The following TRPM3 variants were observed in gnomAD, a reference collection of about 807,000 sequenced individuals.
TRPM3 encodes transient receptor potential cation channel subfamily M member 3, also known as long transient receptor potential channel 3.
A neutral mutation model predicts 181.2 loss-of-function variants in TRPM3; 77 were observed. That is an observed-to-expected ratio of 0.42 (90% CI 0.35 to 0.51). TRPM3 has a LOEUF of 0.51. Ranked by LOEUF, TRPM3 falls within the 20% of genes least tolerant of loss-of-function variation. The pLI is 0.01. For missense variants in TRPM3, 1,759 were observed against 2,196.7 expected (o/e 0.80, Z 3.98); for synonymous variants, 745 against 796.4 (o/e 0.94, Z 1.09).
At chr9:70,851,291 T>A (rs2095220348) in intron 3 of TRPM3, among the ~76,000 whole-genome samples, 2 of 152,228 alleles carry the variant, frequency 1.3e-5, no homozygotes, top group Non-Finnish European at 2.9e-5. Context: ...TGGGAATAGA[T>A]ATGCATACAT....
chr9:70,947,346 GT>G (rs1461519522), intron 1 of TRPM3, among the ~76,000 whole-genome samples: 2 of 152,114 alleles, frequency 1.3e-5, no homozygotes, highest in Non-Finnish European at 2.9e-5. Context: ...TAAAACTTAG[GT>G]TTTTCTAGGT....
intron 1 of TRPM3, among the ~76,000 whole-genome samples, chr9:71,066,543 G>A (rs936789041): frequency 6.6e-6 from 1 of 151,934 alleles, no homozygotes; most frequent in Non-Finnish European, 1.5e-5. Context: ...TCGTTAAGTT[G>A]TTTTAATACT....
chr9:70,553,918 A>G (rs769376334), intron 22 of TRPM3, among the ~76,000 whole-genome samples: 4 of 152,056 alleles, frequency 2.6e-5, no homozygotes, highest in Non-Finnish European at 5.9e-5. Flanking sequence ...GATGGATGGG[A>G]TTTCATTAGG....
At chr9:70,576,015 A>G (rs1328204811) in intron 22 of TRPM3, among the ~76,000 whole-genome samples, 1 of 152,016 alleles carries the variant, frequency 6.6e-6, no homozygotes, top group East Asian at 1.9e-4. Context: ...CCAACTTGTA[A>G]TTTTCTGACC....
At chr9:71,432,235 C>T (rs1301482531) in intron 1 of TRPM3, among the ~76,000 whole-genome samples, 3 of 151,886 alleles carry the variant, frequency 2.0e-5, no homozygotes, top group Admixed American at 6.6e-5. Flanking sequence ...ACCCAAAGGC[C>T]TCCAGTTATA....
chr9:70,568,310 A>C (rs972350235), intron 22 of TRPM3, among the ~76,000 whole-genome samples: 1 of 152,204 alleles, frequency 6.6e-6, no homozygotes, highest in East Asian at 1.9e-4. Flanking sequence ...ATTATCTAGA[A>C]ACAAATCTGG....
intron 1 of TRPM3, among the ~76,000 whole-genome samples, chr9:71,411,889 C>A (rs547915976): frequency 2.3e-4 from 35 of 152,256 alleles, no homozygotes; most frequent in African/African-American, 8.2e-4. Flanking sequence ...GGTACTGGTA[C>A]CAGAACAGAG....
At chr9:71,164,051 C>T (rs760872285) in intron 1 of TRPM3, among the ~76,000 whole-genome samples, 6 of 152,042 alleles carry the variant, frequency 3.9e-5, no homozygotes, top group Admixed American at 6.6e-5. Context: ...TGCTAATGAG[C>T]GTATGCACAA....
chr9:71,295,117 C>T (rs890675327), intron 1 of TRPM3, among the ~76,000 whole-genome samples: 1 of 152,058 alleles, frequency 6.6e-6, no homozygotes, highest in African/African-American at 2.4e-5. Context: ...CACCTTTGTA[C>T]ATGTGATATA....
chr9:71,121,656 G>A (rs1471728581), upstream of TRPM3: 3 of 1,136,756 alleles, frequency 2.6e-6, no homozygotes, highest in Admixed American at 9.5e-5. Flanking sequence ...CCCAGTAAAC[G>A]CAGGTCAGGC....
At chr9:71,415,338 GGTT>G (rs1286097720) in intron 1 of TRPM3, among the ~76,000 whole-genome samples, 5 of 151,954 alleles carry the variant, frequency 3.3e-5, no homozygotes, top group Non-Finnish European at 7.4e-5. Flanking sequence ...CTCAGTTTGT[GGTT>G]GTTGTATTAG....
intron 6 of TRPM3, among the ~76,000 whole-genome samples, chr9:70,784,904 C>T (rs2083273419): frequency 6.6e-6 from 1 of 152,138 alleles, no homozygotes; most frequent in African/African-American, 2.4e-5. Flanking sequence ...CTCTGTTACC[C>T]AGGCTGGAGT....
chr9:70,739,457 T>C (rs965118214), intron 8 of TRPM3, among the ~76,000 whole-genome samples: 5 of 152,216 alleles, frequency 3.3e-5, no homozygotes, highest in South Asian at 2.1e-4. Flanking sequence ...CTCAGCAAAA[T>C]TGGCACACAA....
At chr9:70,815,628 C>T (rs17463279) in intron 6 of TRPM3, among the ~76,000 whole-genome samples, 4,549 of 152,222 alleles carry the variant, frequency 0.03, 92 homozygotes, top group Middle Eastern at 0.058. Context: ...CTATGATCTT[C>T]CTGCGGATAG....
chr9:70,591,763 A>G lies in TRPM3; in HGVS notation c.3049-558T>C, dbSNP rs551347898. Among the ~76,000 whole-genome samples, 32 of 152,380 alleles carry G rather than the reference A, an allele frequency of 2.1e-4. No individual in the cohort carries two copies. The Middle Eastern group carries it at 0.014, about 65-fold the overall frequency. On this transcript the variant is annotated intron_variant, in intron 21 of 25. Coordinates refer to ENST00000677713, the MANE Select transcript of TRPM3 (RefSeq NM_001366145.2). Reference sequence around the variant, plus strand: ...AACTGCCTATAAACGAAGCTAGGATAAACCAAATATCCATTATATTCTTAT... The same window carrying G: ...AACTGCCTATAAACGAAGCTAGGATGAACCAAATATCCATTATATTCTTAT...
At chr9:71,035,797 T>C (rs985406445) in intron 1 of TRPM3, among the ~76,000 whole-genome samples, 1 of 152,112 alleles carries the variant, frequency 6.6e-6, no homozygotes, top group African/African-American at 2.4e-5. Context: ...CTTGCTGTAG[T>C]AAGGACCTCT....
chr9:71,283,389 C>T (rs191712227), intron 1 of TRPM3, among the ~76,000 whole-genome samples: 10 of 152,190 alleles, frequency 6.6e-5, no homozygotes, highest in Admixed American at 5.2e-4. Flanking sequence ...CTGTGCCTCC[C>T]GGGTTCACGC....
chr9:70,800,393 G>A (rs1322263130), intron 6 of TRPM3, among the ~76,000 whole-genome samples: 2 of 152,056 alleles, frequency 1.3e-5, no homozygotes, highest in Non-Finnish European at 1.5e-5. Flanking sequence ...AGCACCTGCC[G>A]GGTGTCAGGC....
chr9:71,057,474 T>C (rs1296195427), intron 1 of TRPM3, among the ~76,000 whole-genome samples: 1 of 152,106 alleles, frequency 6.6e-6, no homozygotes, highest in Non-Finnish European at 1.5e-5. Flanking sequence ...GCTAGGTCTC[T>C]ACCTTTCATT....
Sources: gnomAD v4.1 joint callset for allele counts (sites outside exome capture counted in the v4.1 genomes callset) on GRCh38, gnomAD v4.1.1 for gene constraint, MANE v1.5 for transcripts, NCBI Gene and HGNC (gene_info 2026-07-23, HGNC 2026-07-21) for gene names.